FARP1: variants seen among roughly 807,000 people sequenced by gnomAD.
FARP1 encodes the protein FERM, ARHGEF and pleckstrin domain-containing protein 1.
In FARP1, 52 loss-of-function variants were observed where a neutral mutation model predicts 128.8. That is an observed-to-expected ratio of 0.40 (90% CI 0.32 to 0.51). The LOEUF is 0.51. Among genes scored for constraint, FARP1 ranks in the 20% least tolerant of loss-of-function variants. FARP1 has a pLI of 0.45. For missense variants in FARP1, 1,333 were observed against 1,367.9 expected (o/e 0.97, Z 0.40); for synonymous variants, 580 against 551.8 (o/e 1.05, Z -0.72).
intron 2 of FARP1, among the ~76,000 whole-genome samples, chr13:98,227,451 T>TAAA (rs61196423): frequency 0.011 from 1,501 of 141,492 alleles, 28 homozygotes; most frequent in African/African-American, 0.037. Flanking sequence ...TGGCTACTAT[T>TAAA]AAAAAAAAAA....
chr13:98,435,404 A>G (rs768911901), intron 18 of FARP1, 172 bp from the exon 19 acceptor site: 91 of 621,916 alleles, frequency 1.5e-4, no homozygotes, highest in Non-Finnish European at 2.2e-4. Flanking sequence ...AATACAGAAA[A>G]TACACCATCA....
chr13:98,368,133 T>C lies in FARP1; in HGVS notation c.336T>C (p.Val112=), dbSNP rs1189075900. The C allele has an allele frequency of 1.2e-6, 2 of 1,613,916 alleles. No homozygotes were observed. Among genetic ancestry groups the C allele is most frequent in the Non-Finnish European group, 1.7e-6 (2 of 1,179,792 alleles). Residue 112 remains valine, a synonymous_variant, in exon 5 of 27, where the codon GTT becomes GTC. Transcript: ENST00000319562. ...CTTCTTTAGGGCCAAAGCACGTTGT[T>C]GTTAAGTTTGTGGTGAAATTCTTTC... ...VKQIRRPKHV[V]VKFVVKFFPP...
intron 2 of FARP1, among the ~76,000 whole-genome samples, chr13:98,317,692 C>T (rs1445870136): frequency 1.3e-5 from 2 of 152,224 alleles, no homozygotes; most frequent in Non-Finnish European, 2.9e-5. Flanking sequence ...CCACACGTCA[C>T]TGACTGGATG....
At chr13:98,357,356 C>T (rs1435914693) in intron 3 of FARP1, among the ~76,000 whole-genome samples, 1 of 152,058 alleles carries the variant, frequency 6.6e-6, no homozygotes. Flanking sequence ...CTTATAGTAG[C>T]AGTTTTCTGA....
At chr13:98,348,838 C>CCGTA (rs1888286816) in intron 3 of FARP1, among the ~76,000 whole-genome samples, 1 of 152,162 alleles carries the variant, frequency 6.6e-6, no homozygotes, top group Non-Finnish European at 1.5e-5. Flanking sequence ...GGCCCATGTG[C>CCGTA]CGTAGTTTGC....
At chr13:98,244,105 A>G (rs1299122430) in intron 2 of FARP1, among the ~76,000 whole-genome samples, 1 of 152,152 alleles carries the variant, frequency 6.6e-6, no homozygotes, top group African/African-American at 2.4e-5. Context: ...GGGCTTTTCA[A>G]TGAGAATATA....
chr13:98,437,642 T>G (rs961248999), intron 19 of FARP1: 2 of 610,896 alleles, frequency 3.3e-6, no homozygotes, highest in Admixed American at 5.3e-5. Flanking sequence ...AAGGCTCTGG[T>G]GATAGCTGGG....
chr13:98,430,894 G>A (rs981900704), intron 17 of FARP1, 149 bp from the exon 18 acceptor site: 3 of 617,486 alleles, frequency 4.9e-6, no homozygotes, highest in Admixed American at 2.8e-5. Context: ...CAAAAAGAGT[G>A]AACTATGAAC....
At chr13:98,159,575 G>T (rs73559584) in intron 1 of FARP1, 3 of 151,394 alleles carry the variant, frequency 2.0e-5, no homozygotes, top group Non-Finnish European at 4.4e-5. Context: ...AGGTTCAAGC[G>T]ATTCTCCTGT....
intron 1 of FARP1, among the ~76,000 whole-genome samples, chr13:98,190,919 T>C (rs956309332): frequency 2.6e-5 from 4 of 152,090 alleles, no homozygotes; most frequent in African/African-American, 9.7e-5. Flanking sequence ...AACAGTGACA[T>C]AGGTAGTCCT....
chr13:98,311,154 G>A (rs1287018328), intron 2 of FARP1, among the ~76,000 whole-genome samples: 2 of 152,214 alleles, frequency 1.3e-5, no homozygotes, highest in African/African-American at 4.8e-5. Flanking sequence ...CTTTCACTGT[G>A]GCCCTGGTGG....
chr13:98,446,343 G>T, intron 25 of FARP1, 138 bp downstream of exon 25: 3 of 631,452 alleles, frequency 4.8e-6, no homozygotes, highest in Admixed American at 5.8e-5. Flanking sequence ...CTGGCGGGGG[G>T]CCCTGTCCAC....
chr13:98,237,165 ATGGTGGTGGGTGCCTATAATCCCAGG>A (rs1274592815), intron 2 of FARP1, among the ~76,000 whole-genome samples: 2 of 151,370 alleles, frequency 1.3e-5, no homozygotes, highest in Admixed American at 1.3e-4. Context: ...TTTGCCGGGC[ATGGTGGTGGGTGCCTATAATCCCAGG>A]TACTCGGGAG....
intron 15 of FARP1, among the ~76,000 whole-genome samples, chr13:98,411,478 A>G (rs898417227): frequency 6.6e-6 from 1 of 152,190 alleles, no homozygotes; most frequent in African/African-American, 2.4e-5. Context: ...CTGTGGCTTT[A>G]TTCCCAGGTT....
At position 98,176,694 on chromosome 13, in the gene FARP1, C is replaced by T. The variant is rs767326857; in HGVS notation, c.-24+33202C>T. 1.9e-6 allele frequency: 3 copies of T among 1,614,208 alleles called. No homozygotes were observed. The highest frequency in any genetic ancestry group is 2.5e-6 in the Non-Finnish European group (3 of 1,180,040). ...CCCAGCGCACAGTGGCGCGCAGATG[C>T]CCTGGCGCACGTATGGGGCCCTTCC... On this transcript the variant is annotated intron_variant, in intron 1 of 26. Transcript: ENST00000319562. The surrounding 1 kb of genome is among the most constrained non-coding windows in gnomAD (Gnocchi z 6.2).
intron 3 of FARP1, among the ~76,000 whole-genome samples, chr13:98,358,500 G>A (rs1888729141): frequency 6.6e-6 from 1 of 152,034 alleles, no homozygotes; most frequent in Non-Finnish European, 1.5e-5. Context: ...TCTCTAGAAA[G>A]TGATAGGTGT....
At position 98,188,071 on chromosome 13, in the gene FARP1, C is replaced by G. The variant is rs554534078; in HGVS notation, c.-23-25149C>G. ...TCCCTTGGATTGGGTGCAGTTTGCTCTGCTGAGCGTGAGTTGGCAGCCCTG... is the reference window on the plus strand; with the variant it reads ...TCCCTTGGATTGGGTGCAGTTTGCTGTGCTGAGCGTGAGTTGGCAGCCCTG... On this transcript the variant is annotated intron_variant, in intron 1 of 26. Transcript: ENST00000319562. Among the ~76,000 whole-genome samples the G allele has an allele frequency of 2.0e-5, 3 of 152,276 alleles. No homozygotes were observed. In the East Asian group the frequency reaches 5.8e-4, roughly 29 times the overall value.
At chr13:98,192,293 A>G (rs968719038) in intron 1 of FARP1, among the ~76,000 whole-genome samples, 4 of 152,026 alleles carry the variant, frequency 2.6e-5, no homozygotes, top group South Asian at 2.1e-4. Context: ...CCAAATTCCT[A>G]TAAGTGACAA....
intron 1 of FARP1, among the ~76,000 whole-genome samples, chr13:98,201,538 A>G (rs1879947083): frequency 6.6e-6 from 1 of 152,186 alleles, no homozygotes; most frequent in African/African-American, 2.4e-5. Flanking sequence ...GGTTTAGTTG[A>G]AAGGAGAGAC....
Sources: gnomAD v4.1 joint callset for allele counts (sites outside exome capture counted in the v4.1 genomes callset) on GRCh38, gnomAD v4.1.1 for gene constraint, Gnocchi (gnomAD v3.1) non-coding constraint, MANE v1.5 for transcripts, NCBI Gene and HGNC (gene_info 2026-07-23, HGNC 2026-07-21) for gene names.